Variants in RNF38 observed in about 807,000 individuals in gnomAD.
RNF38 encodes the protein E3 ubiquitin-protein ligase RNF38.
Under a neutral mutation model 67.2 loss-of-function variants are expected in RNF38, and 15 were observed. The observed-to-expected ratio is 0.22, with a 90% CI of 0.15 to 0.34. RNF38 has a LOEUF of 0.34. Among genes scored for constraint, RNF38 ranks in the 10% least tolerant of loss-of-function variants. The pLI, the probability that RNF38 is intolerant of heterozygous loss-of-function variation, is 1.00. For missense variants in RNF38, 524 were observed against 639.9 expected (o/e 0.82, Z 1.95); for synonymous variants, 220 against 218.8 (o/e 1.01, Z -0.05).
Position 36,419,761 on chromosome 9 carries a change from G to A in RNF38, n.312+4852C>T, listed in dbSNP as rs1164826276. ...TCCCTTGAAGGTGGGGGCAGAGGTC[G>A]CAGTGAGCAGAAATTGCGCCACTGC... is the stretch of plus-strand genomic sequence containing the variant. On this transcript the variant is annotated intron_variant and non_coding_transcript_variant, in intron 2 of 3. Coordinates refer to the RNF38 transcript ENST00000488058. Among the ~76,000 whole-genome samples, 3 of 152,136 alleles carry A rather than the reference G, an allele frequency of 2.0e-5. No individual in the cohort carries two copies. The East Asian group carries it at 5.8e-4, about 29-fold the overall frequency.
intron 1 of RNF38, among the ~76,000 whole-genome samples, chr9:36,429,139 G>A (rs1444643655): frequency 6.6e-6 from 1 of 152,158 alleles, no homozygotes; most frequent in East Asian, 1.9e-4. Flanking sequence ...ATACCCGTAT[G>A]CTCTAACTTT....
chr9:36,421,851 G>A (rs1454163462), intron 2 of RNF38, among the ~76,000 whole-genome samples: 1 of 152,082 alleles, frequency 6.6e-6, no homozygotes, highest in Admixed American at 6.6e-5. Context: ...AAGACGTCAG[G>A]GGGCTGTTGT....
intron 9 of RNF38, among the ~76,000 whole-genome samples, chr9:36,347,832 C>T (rs1005842681): frequency 5.3e-5 from 8 of 152,260 alleles, no homozygotes; most frequent in African/African-American, 1.7e-4. Flanking sequence ...AATCCCAGCA[C>T]TTTGGGAGGC....
chr9:36,482,157 G>A (rs1425203755), intron 1 of RNF38, among the ~76,000 whole-genome samples: 3 of 149,978 alleles, frequency 2.0e-5, no homozygotes, highest in Admixed American at 6.7e-5. Context: ...GGGTTCAAGC[G>A]ATTCTCCTGC....
intron 1 of RNF38, among the ~76,000 whole-genome samples, chr9:36,483,279 G>A (rs1262325135): frequency 6.6e-6 from 1 of 152,012 alleles, no homozygotes; most frequent in African/African-American, 2.4e-5. Flanking sequence ...CCAGCTACTC[G>A]AGAGGCTGAG....
chr9:36,384,644 T>G (rs999908642), intron 2 of RNF38, among the ~76,000 whole-genome samples: 7 of 152,268 alleles, frequency 4.6e-5, no homozygotes, highest in Non-Finnish European at 1.0e-4. Flanking sequence ...ATTTGCCGTT[T>G]GGTATTGGAA....
chr9:36,462,090 A>G (rs1438113972), intron 1 of RNF38, among the ~76,000 whole-genome samples: 1 of 152,214 alleles, frequency 6.6e-6, no homozygotes, highest in Non-Finnish European at 1.5e-5. Context: ...GGATCCAAGA[A>G]AGAGGATAAA....
At chr9:36,345,553 A>T (rs2133381713) in intron 9 of RNF38, among the ~76,000 whole-genome samples, 1 of 152,248 alleles carries the variant, frequency 6.6e-6, no homozygotes, top group Non-Finnish European at 1.5e-5. Flanking sequence ...CACATTCCCA[A>T]ATATCCCCTA....
chr9:36,371,298 T>A (rs1835358581), intron 3 of RNF38, among the ~76,000 whole-genome samples: 2 of 152,344 alleles, frequency 1.3e-5, no homozygotes, highest in South Asian at 4.1e-4. Flanking sequence ...GCAAAGGTGC[T>A]CTTGATATTG....
intron 2 of RNF38, among the ~76,000 whole-genome samples, chr9:36,380,318 G>A (rs1475185733): frequency 1.3e-5 from 2 of 152,126 alleles, no homozygotes; most frequent in African/African-American, 4.8e-5. Context: ...TCCTGCTTCA[G>A]CCTCCCGAGT....
chr9:36,352,941 T>C, intron 7 of RNF38, 93 bp from the exon 8 acceptor site: 2 of 949,088 alleles, frequency 2.1e-6, no homozygotes, highest in Non-Finnish European at 3.2e-6. Flanking sequence ...ACTTAAACAG[T>C]AAAGTTCTTT....
At chr9:36,477,617 C>T (rs1032365819) in intron 1 of RNF38, among the ~76,000 whole-genome samples, 5 of 151,486 alleles carry the variant, frequency 3.3e-5, no homozygotes, top group Non-Finnish European at 7.4e-5. Context: ...GTCAGGAGAT[C>T]GAGACCAACC....
intron 1 of RNF38, among the ~76,000 whole-genome samples, chr9:36,479,819 G>A (rs773328188): frequency 2.0e-5 from 3 of 151,984 alleles, no homozygotes; most frequent in Admixed American, 1.3e-4. Context: ...AGTCCCAGCC[G>A]GGCATAGTGG....
At chr9:36,410,712 T>C (rs1564051970) in intron 2 of RNF38, among the ~76,000 whole-genome samples, 1 of 152,196 alleles carries the variant, frequency 6.6e-6, no homozygotes, top group Non-Finnish European at 1.5e-5. Context: ...ACAACCCTAT[T>C]TTCTATTACT....
chr9:36,378,100 A>C (rs1835912835), intron 2 of RNF38, among the ~76,000 whole-genome samples: 1 of 151,952 alleles, frequency 6.6e-6, no homozygotes, highest in Non-Finnish European at 1.5e-5. Flanking sequence ...ACAAACTTGC[A>C]CATGAACTAC....
chr9:36,478,403 C>CA (rs566516265), intron 1 of RNF38, among the ~76,000 whole-genome samples: 35,377 of 72,308 alleles, frequency 0.49, 8,913 homozygotes, highest in East Asian at 0.59. Context: ...GACTCCGTCT[C>CA]AAAAAAAAAA....
chr9:36,427,686 TCTATCTATCTATCTATCTAC>T (rs1318005418), intron 1 of RNF38, among the ~76,000 whole-genome samples: 7 of 144,790 alleles, frequency 4.8e-5, no homozygotes, highest in Non-Finnish European at 1.1e-4. Context: ...TATCTATCTA[TCTATCTATCTATCTATCTAC>T]CTACCTATCT....
At position 36,390,484 on chromosome 9, in the gene RNF38, A is replaced by G; in HGVS notation, c.145T>C (p.Phe49Leu). 1 of 1,613,008 alleles carries G rather than the reference A, an allele frequency of 6.2e-7. No individual in the cohort carries two copies. The highest frequency in any genetic ancestry group is 1.1e-5 in the South Asian group (1 of 90,938). Residue 49 changes from phenylalanine to leucine, a missense_variant, in exon 2 of 12, where the codon TTC (phenylalanine) becomes CTC (leucine). Around this residue, in one of 2 missense-constraint regions of RNF38, gnomAD observed 461 missense variants for 517.4 expected, o/e 0.89. Coordinates refer to ENST00000259605, the MANE Select transcript of RNF38 (RefSeq NM_022781.5). ...ATAAGAACCTGGAAGAAAGCTTTGAAGTGAGCATCCTCTTGAACGGTAGTG... is the reference window on the plus strand; with the variant it reads ...ATAAGAACCTGGAAGAAAGCTTTGAGGTGAGCATCCTCTTGAACGGTAGTG... ...QNTTVQEDAH[F>L]KAFFQSEDSP... is the part of the protein sequence containing the mutation.
rs1453857291 is a variant in RNF38 at position 36,423,699 on chromosome 9, C to CT, written n.312+913_312+914insA. 1.2e-3 allele frequency among the ~76,000 whole-genome samples: 32 copies of CT among 25,792 alleles called. 5 individuals carry two copies. The highest frequency in any genetic ancestry group is 2.3e-3 in the South Asian group (2 of 858). The allele number at this position is 25,792 out of a possible 152,430, so 16.9% of individuals were successfully genotyped here. A position where few individuals can be genotyped will look rare whatever the true frequency, so the allele number is the denominator to read the frequency against. On this transcript the variant is annotated intron_variant and non_coding_transcript_variant, in intron 2 of 3. Transcript: ENST00000488058. ...GCGCGGTGGCTCACGCCTGTAATCC[C>CT]AGCACTTTGGGAGGCCGAGGCGGGC...
Sources: allele counts gnomAD v4.1 joint callset (sites outside exome capture counted in the v4.1 genomes callset), GRCh38; gene constraint gnomAD v4.1.1; regional missense constraint gnomAD v4.1.1; transcripts MANE v1.5; gene names NCBI Gene and HGNC (gene_info 2026-07-23, HGNC 2026-07-21).